WWOX: variants seen among roughly 807,000 people sequenced by gnomAD.
WWOX encodes the protein WW domain containing oxidoreductase.
WWOX carries 69 observed loss-of-function variants against 46.2 expected under a neutral mutation model. The ratio of observed to expected loss-of-function variants is 1.49; its 90% CI spans 1.23 to 1.82. The LOEUF (loss-of-function observed/expected upper bound fraction) is 1.82, where lower values mean the gene tolerates loss of function less well. Ranked by LOEUF, WWOX falls within the 40% of genes most tolerant of loss-of-function variation. The pLI is 0.00. For missense variants in WWOX, 919 were observed against 542.6 expected (o/e 1.69, Z -6.89); for synonymous variants, 359 against 202.6 (o/e 1.77, Z -6.56).
At position 78,941,700 on chromosome 16, in the gene WWOX, A is replaced by C. The variant is rs969892540; in HGVS notation, c.1057-269908A>C. ...TCCCCCCTACTCACAGGAAAGAAGA[A>C]ATTCTCAGGTTTCCTTTCCCAGGTT... On this transcript the variant is annotated intron_variant, in intron 8 of 8. Coordinates refer to ENST00000566780, the MANE Select transcript of WWOX (RefSeq NM_016373.4). Among the ~76,000 whole-genome samples the C allele has an allele frequency of 2.6e-5, 4 of 152,144 alleles. No individual in the cohort carries two copies. The East Asian group carries it at 5.8e-4, about 22-fold the overall frequency.
chr16:79,176,072 C>T (rs1218159388), intron 8 of WWOX, among the ~76,000 whole-genome samples: 4 of 152,194 alleles, frequency 2.6e-5, no homozygotes, highest in African/African-American at 9.6e-5. Context: ...GCAGCTGTTA[C>T]AGTTTGAAGT....
intron 8 of WWOX, chr16:79,206,187 T>C (rs1485897281): frequency 2.0e-5 from 3 of 152,236 alleles, no homozygotes; most frequent in Non-Finnish European, 4.4e-5. Context: ...CCACATTTCA[T>C]TTTAGGCCAT....
intron 5 of WWOX, among the ~76,000 whole-genome samples, chr16:78,240,992 G>C (rs1891858475): frequency 2.0e-5 from 3 of 152,086 alleles, no homozygotes; most frequent in Non-Finnish European, 4.4e-5. Flanking sequence ...TCAACGTCCT[G>C]ACCTCCATCT....
intron 8 of WWOX, among the ~76,000 whole-genome samples, chr16:78,792,714 C>T (rs1023710052): frequency 6.6e-6 from 1 of 152,170 alleles, no homozygotes; most frequent in Admixed American, 6.5e-5. Context: ...ATAGAGGCAT[C>T]TCACCTGTAG....
At chr16:78,717,915 C>G (rs1035391120) in intron 8 of WWOX, among the ~76,000 whole-genome samples, 4 of 152,088 alleles carry the variant, frequency 2.6e-5, no homozygotes, top group Admixed American at 1.3e-4. Flanking sequence ...ACATAGTGGA[C>G]CCAACACCAA....
At chr16:78,497,219 A>G (rs1487472345) in intron 8 of WWOX, among the ~76,000 whole-genome samples, 1 of 96,964 alleles carries the variant, frequency 1.0e-5, no homozygotes, top group African/African-American at 2.8e-5. Flanking sequence ...AAATGATTCC[A>G]CAGCACATAC....
chr16:78,800,912 C>G (rs938746522), intron 8 of WWOX, among the ~76,000 whole-genome samples: 15 of 151,570 alleles, frequency 9.9e-5, no homozygotes, highest in Middle Eastern at 3.4e-3. Context: ...CCCAATATAA[C>G]CATTAAGCAT....
intron 5 of WWOX, among the ~76,000 whole-genome samples, chr16:78,312,302 T>A (rs1316402653): frequency 6.6e-6 from 1 of 152,156 alleles, no homozygotes; most frequent in African/African-American, 2.4e-5. Context: ...TAATTTTAGC[T>A]TCTTTCTCCG....
intron 8 of WWOX, chr16:78,526,255 C>T (rs1028971391): frequency 6.6e-6 from 1 of 152,350 alleles, no homozygotes; most frequent in Non-Finnish European, 1.5e-5. Flanking sequence ...CTCCTAATTG[C>T]TTCATGTGTT....
chr16:78,306,474 C>G (rs2080136657), intron 5 of WWOX, among the ~76,000 whole-genome samples: 2 of 152,278 alleles, frequency 1.3e-5, no homozygotes, highest in African/African-American at 4.8e-5. Flanking sequence ...ATCTGGGCAC[C>G]TTTCCCAAAG....
intron 8 of WWOX, among the ~76,000 whole-genome samples, chr16:78,690,086 C>T (rs972048326): frequency 5.3e-5 from 8 of 152,118 alleles, no homozygotes; most frequent in Admixed American, 5.2e-4. Context: ...GTCTCGATCT[C>T]CTGACCTCAG....
At chr16:78,174,675 C>T (rs576392567) in intron 5 of WWOX, among the ~76,000 whole-genome samples, 1 of 152,306 alleles carries the variant, frequency 6.6e-6, no homozygotes, top group African/African-American at 2.4e-5. Flanking sequence ...CAGCTTCCCA[C>T]CAATGTGTCA....
In WWOX at chr16:78,983,870, C is replaced by CTTTTTTTTTT. The variant is rs760130115; in HGVS notation, c.1057-227724_1057-227715dup. Among the ~76,000 whole-genome samples the CTTTTTTTTTT allele has an allele frequency of 1.1e-3, 88 of 79,858 alleles. 5 individuals carry two copies. The highest frequency in any genetic ancestry group is 1.5e-3 in the Non-Finnish European group (69 of 45,328). The allele number at this position is 79,858 out of a possible 152,430, so 52.4% of individuals were successfully genotyped here. On this transcript the variant is annotated intron_variant, in intron 8 of 8. Transcript: ENST00000566780. ...CAGTCCATCTGTTATGAGAGCTATT[C>CTTTTTTTTTT]TTTTTTTTTTTTTTTTTTTTTTTGT...
At chr16:78,114,067 T>A (rs1163776301) in intron 3 of WWOX, among the ~76,000 whole-genome samples, 3 of 150,712 alleles carry the variant, frequency 2.0e-5, no homozygotes, top group Non-Finnish European at 4.4e-5. Flanking sequence ...TTATAAGGAG[T>A]ACTCTTTTCA....
At chr16:78,335,296 C>A (rs2080862914) in intron 5 of WWOX, among the ~76,000 whole-genome samples, 1 of 152,058 alleles carries the variant, frequency 6.6e-6, no homozygotes, top group Non-Finnish European at 1.5e-5. Flanking sequence ...ACCTGCAAGC[C>A]CCAGTGTGTG....
intron 8 of WWOX, among the ~76,000 whole-genome samples, chr16:78,963,726 T>C (rs1039119545): frequency 9.9e-5 from 15 of 152,178 alleles, no homozygotes; most frequent in African/African-American, 2.2e-4. Context: ...CAGACACATA[T>C]TGTTTTTTCC....
chr16:78,955,551 A>G (rs545192689), intron 8 of WWOX, among the ~76,000 whole-genome samples: 12 of 152,350 alleles, frequency 7.9e-5, no homozygotes, highest in African/African-American at 2.6e-4. Flanking sequence ...TGCACTTTTT[A>G]AAACCAGCAA....
intron 8 of WWOX, among the ~76,000 whole-genome samples, chr16:79,069,529 G>A (rs1463643960): frequency 6.7e-6 from 1 of 150,220 alleles, no homozygotes; most frequent in Non-Finnish European, 1.5e-5. Flanking sequence ...CAGGAAAAGG[G>A]TCACATAAAA....
At chr16:78,681,290 A>G (rs2047722977) in intron 8 of WWOX, among the ~76,000 whole-genome samples, 1 of 152,168 alleles carries the variant, frequency 6.6e-6, no homozygotes, top group Non-Finnish European at 1.5e-5. Context: ...CTATGGTCCC[A>G]GCTACTTGGG....
Sources: gnomAD v4.1 joint callset for allele counts (sites outside exome capture counted in the v4.1 genomes callset) on GRCh38, gnomAD v4.1.1 for gene constraint, MANE v1.5 for transcripts, NCBI Gene and HGNC (gene_info 2026-07-23, HGNC 2026-07-21) for gene names.